The following B3GLCT variants were observed in gnomAD, a reference collection of about 807,000 sequenced individuals.
The protein encoded by B3GLCT is beta 3-glucosyltransferase.
In B3GLCT, 65 loss-of-function variants were observed where a neutral mutation model predicts 63.4. That is an observed-to-expected ratio of 1.03 (90% CI 0.84 to 1.26). The LOEUF (loss-of-function observed/expected upper bound fraction) is 1.26, where lower values mean the gene tolerates loss of function less well. Among genes scored for constraint, B3GLCT ranks in the 50% most tolerant of loss-of-function variants. The pLI, the probability that B3GLCT is intolerant of heterozygous loss-of-function variation, is 0.00. For synonymous variants in B3GLCT, 233 were observed against 219.2 expected (o/e 1.06, Z -0.55); for missense variants, 577 against 604.8 (o/e 0.95, Z 0.48).
intron 14 of B3GLCT, among the ~76,000 whole-genome samples, chr13:31,326,895 T>G (rs1875653081): frequency 6.6e-6 from 1 of 152,246 alleles, no homozygotes; most frequent in Non-Finnish European, 1.5e-5. Context: ...CTCCCTGAGA[T>G]GCAGCAAATC....
At chr13:31,264,755 C>T (rs145072194) in intron 7 of B3GLCT, among the ~76,000 whole-genome samples, 1,694 of 152,286 alleles carry the variant, frequency 0.011, 33 homozygotes, top group African/African-American at 0.038. Flanking sequence ...ATTGGATCTT[C>T]CTAGTTGTTG....
Position 31,276,768 on chromosome 13 carries a change from A to T in B3GLCT, c.847A>T (p.Arg283Ter). 6.2e-7 allele frequency: 1 copy of T among 1,610,166 alleles called. No individual in the cohort carries two copies. The change falls in exon 10 of 15, where the codon AGA becomes TGA. Residue 283 changes from arginine (R) to a stop codon, truncating the protein, a stop_gained. Transcript: ENST00000343307. LOFTEE classifies it high-confidence loss of function. ...VKTCKKFHGDRIPIVKQTWES... is the reference protein window; with the variant it reads ...VKTCKKFHGD ...AACATGCAAGAAATTTCATGGTGAC[A>T]GAAGTATGTTTTGGGTTATTCATTT...
chr13:31,282,502 C>A (rs901096125), intron 10 of B3GLCT, among the ~76,000 whole-genome samples: 1 of 151,812 alleles, frequency 6.6e-6, no homozygotes, highest in Admixed American at 6.6e-5. Context: ...ATTAGCCGGG[C>A]GTGGTGGCGG....
chr13:31,320,877 G>T (rs763499811), intron 13 of B3GLCT, among the ~76,000 whole-genome samples: 6 of 152,080 alleles, frequency 3.9e-5, no homozygotes, highest in Non-Finnish European at 8.8e-5. Context: ...GTTCCTCCTT[G>T]TTCTTTTGGA....
intron 4 of B3GLCT, among the ~76,000 whole-genome samples, chr13:31,238,894 C>T (rs775711092): frequency 2.6e-5 from 4 of 152,306 alleles, no homozygotes; most frequent in South Asian, 2.1e-4. Context: ...ATGACGATAA[C>T]GTGTTTGAAG....
chr13:31,324,357 T>G (rs1875499512), intron 14 of B3GLCT, among the ~76,000 whole-genome samples: 2 of 152,300 alleles, frequency 1.3e-5, no homozygotes, highest in African/African-American at 4.8e-5. Context: ...TTAAAATGAA[T>G]GGCTAAAATC....
At chr13:31,218,481 G>A (rs1353684280) in intron 2 of B3GLCT, among the ~76,000 whole-genome samples, 3 of 152,062 alleles carry the variant, frequency 2.0e-5, no homozygotes, top group African/African-American at 7.2e-5. Flanking sequence ...CCACCACGCC[G>A]GGCCTTTTTG....
At chr13:31,328,915 A>G (rs1377453794) in intron 14 of B3GLCT, among the ~76,000 whole-genome samples, 1 of 151,966 alleles carries the variant, frequency 6.6e-6, no homozygotes, top group Non-Finnish European at 1.5e-5. Flanking sequence ...TTCACAAACT[A>G]TTTCGGGTTA....
intron 6 of B3GLCT, among the ~76,000 whole-genome samples, chr13:31,259,478 A>C (rs543029247): frequency 1.3e-5 from 2 of 151,766 alleles, no homozygotes; most frequent in Non-Finnish European, 2.9e-5. Flanking sequence ...TCCCGGCACT[A>C]CAGTACTGCT....
intron 12 of B3GLCT, among the ~76,000 whole-genome samples, chr13:31,296,449 C>T (rs1024444086): frequency 2.0e-5 from 3 of 152,208 alleles, no homozygotes; most frequent in South Asian, 2.1e-4. Flanking sequence ...TCTGTGGCCT[C>T]TTCTCAGAAG....
chr13:31,235,292 T>C (rs1870590644), intron 4 of B3GLCT, among the ~76,000 whole-genome samples: 1 of 152,066 alleles, frequency 6.6e-6, no homozygotes, highest in South Asian at 2.1e-4. Context: ...GCTGGATATT[T>C]GTTTTACGCT....
intron 6 of B3GLCT, among the ~76,000 whole-genome samples, chr13:31,258,452 T>G (rs1445470370): frequency 6.6e-6 from 1 of 152,208 alleles, no homozygotes; most frequent in African/African-American, 2.4e-5. Context: ...CTACGCTGTT[T>G]CAGGCTATCA....
intron 4 of B3GLCT, among the ~76,000 whole-genome samples, chr13:31,238,601 T>C (rs1870772142): frequency 6.6e-6 from 1 of 152,226 alleles, no homozygotes; most frequent in Admixed American, 6.5e-5. Context: ...TATTTCATAA[T>C]ATAAGTGAGT....
chr13:31,299,749 T>C (rs555728471), intron 12 of B3GLCT, among the ~76,000 whole-genome samples: 1 of 152,328 alleles, frequency 6.6e-6, no homozygotes, highest in South Asian at 2.1e-4. Context: ...GATACCTGCT[T>C]GTCAATTCCA....
intron 12 of B3GLCT, chr13:31,312,869 C>T (rs1874791803): frequency 6.6e-6 from 1 of 152,202 alleles, no homozygotes; most frequent in African/African-American, 2.4e-5. Context: ...TTGTAGAGAA[C>T]AGCAGATCAG....
chr13:31,279,505 A>G (rs1214871960), intron 10 of B3GLCT, among the ~76,000 whole-genome samples: 2 of 152,156 alleles, frequency 1.3e-5, no homozygotes, highest in Admixed American at 6.5e-5. Context: ...AAAACCAGCA[A>G]GTTTTTATTA....
At chr13:31,261,250 C>T (rs1872018167) in intron 7 of B3GLCT, among the ~76,000 whole-genome samples, 168 bp downstream of exon 7, 1 of 152,206 alleles carries the variant, frequency 6.6e-6, no homozygotes, top group African/African-American at 2.4e-5. Context: ...GTTTCTGCTT[C>T]AGCGCTGTCA....
At chr13:31,229,515 G>A (rs1272111542) in intron 4 of B3GLCT, among the ~76,000 whole-genome samples, 2 of 152,192 alleles carry the variant, frequency 1.3e-5, no homozygotes, top group Non-Finnish European at 2.9e-5. Context: ...GGAGGCCAAG[G>A]TGGGCGGATC....
chr13:31,251,372 G>T (rs533422138), intron 6 of B3GLCT, among the ~76,000 whole-genome samples: 1 of 152,168 alleles, frequency 6.6e-6, no homozygotes, highest in African/African-American at 2.4e-5. Flanking sequence ...TGAGTTTGAC[G>T]AATTGACAGA....
Sources: gnomAD v4.1 joint callset for allele counts (sites outside exome capture counted in the v4.1 genomes callset) on GRCh38, gnomAD v4.1.1 for gene constraint, MANE v1.5 for transcripts, NCBI Gene and HGNC (gene_info 2026-07-23, HGNC 2026-07-21) for gene names.